Variants in SLC12A3 observed in about 807,000 individuals in gnomAD.
SLC12A3 encodes the protein solute carrier family 12 member 3, also known as Na-Cl cotransporter.
A neutral mutation model predicts 121.0 loss-of-function variants in SLC12A3; 104 were observed. That is an observed-to-expected ratio of 0.86 (90% CI 0.73 to 1.01). The LOEUF (loss-of-function observed/expected upper bound fraction) is 1.01, where lower values mean the gene tolerates loss of function less well. Ranked by LOEUF, SLC12A3 falls within the 50% of genes least tolerant of loss-of-function variation. The pLI, the probability that SLC12A3 is intolerant of heterozygous loss-of-function variation, is 0.00. For missense variants in SLC12A3, 1,328 were observed against 1,356.3 expected, an observed-to-expected ratio of 0.98 and a Z score of 0.33; for synonymous variants, 536 against 533.4, an observed-to-expected ratio of 1.00 and a Z score of -0.07.
rs370563622 is a variant in SLC12A3, at chr16:56,890,374, C to A, written c.2368+18C>A. On this transcript the variant is annotated intron_variant, in intron 19 of 25. Transcript: ENST00000563236. Reference sequence around the variant, plus strand: ...GGCGCACAGTGAGTACATGCCCCACCCACTCCCAGAAAGTTCTAGAACACA... The same window carrying A: ...GGCGCACAGTGAGTACATGCCCCACACACTCCCAGAAAGTTCTAGAACACA... The A allele has an allele frequency of 3.0e-5, 49 of 1,607,236 alleles. No individual in the cohort carries two copies. In the African/African-American group the frequency reaches 5.1e-4, roughly 17 times the overall value.
chr16:56,895,406 C>G (rs1451929407), intron 22 of SLC12A3, among the ~76,000 whole-genome samples: 5 of 150,752 alleles, frequency 3.3e-5, no homozygotes. Flanking sequence ...GTTGGCTAGG[C>G]TGGTCTCGAA....
chr16:56,906,888 G>A, intron 25 of SLC12A3: 1 of 562,096 alleles, frequency 1.8e-6, no homozygotes, highest in Non-Finnish European at 3.3e-6. Flanking sequence ...GGAAGTTAAG[G>A]GGACTGTAAA....
chr16:56,902,531 G>GGGGGCTGCC, intron 24 of SLC12A3, 23 bp downstream of exon 24: 1 of 714,570 alleles, frequency 1.4e-6, no homozygotes, highest in Non-Finnish European at 2.4e-6. Context: ...GTGGGGGTGG[G>GGGGGCTGCC]AAACGCGACA....
chr16:56,883,756 C>T (rs568478037), intron 13 of SLC12A3, among the ~76,000 whole-genome samples: 16 of 152,208 alleles, frequency 1.1e-4, no homozygotes, highest in African/African-American at 3.9e-4. Context: ...CCATCTCACC[C>T]CCTTGGCACC....
Position 56,902,527 on chromosome 16 carries a change from G to C in SLC12A3, c.2856+19G>C. The C allele has an allele frequency of 6.8e-7, 1 of 1,469,334 alleles. No homozygotes were observed. The allele number at this position is 1,469,334 out of a possible 1,614,324, so 91.0% of individuals were successfully genotyped here. On this transcript the variant is annotated intron_variant, in intron 24 of 25. Transcript: ENST00000563236. ...AGTCAAGGTGCAGAGAGGGGTGGGG[G>C]TGGGAAACGCGACACATCACTGGGT...
chr16:56,896,334 C>T (rs2055461488), intron 22 of SLC12A3, among the ~76,000 whole-genome samples: 3 of 152,214 alleles, frequency 2.0e-5, no homozygotes, highest in Non-Finnish European at 4.4e-5. Flanking sequence ...GAGGAGTAGG[C>T]TGGATGCATG....
intron 8 of SLC12A3, among the ~76,000 whole-genome samples, chr16:56,875,137 G>T (rs537575821): frequency 1.2e-3 from 187 of 152,030 alleles, no homozygotes; most frequent in South Asian, 0.01. Context: ...GATGAGGCCC[G>T]CGCGCCTGCA....
At chr16:56,876,773 G>C (rs186188667) in intron 8 of SLC12A3, among the ~76,000 whole-genome samples, 320 of 152,268 alleles carry the variant, frequency 2.1e-3, no homozygotes, top group African/African-American at 7.2e-3. Context: ...AGGGAAGGCT[G>C]GGGGGGTTTA....
At chr16:56,909,805 A>G (rs1281047773) in intron 25 of SLC12A3, among the ~76,000 whole-genome samples, 19 of 152,232 alleles carry the variant, frequency 1.2e-4, no homozygotes, top group African/African-American at 4.1e-4. Flanking sequence ...GAAAAAAAAA[A>G]AATCTCCCAA....
At chr16:56,883,283 T>TC (rs1171230534) in intron 13 of SLC12A3, among the ~76,000 whole-genome samples, 2 of 146,882 alleles carry the variant, frequency 1.4e-5, no homozygotes, top group African/African-American at 5.0e-5. Flanking sequence ...TTCTTTCTTT[T>TC]TTTTTTTTTT....
chr16:56,900,799 G>A (rs960903945), intron 23 of SLC12A3, among the ~76,000 whole-genome samples: 1 of 152,184 alleles, frequency 6.6e-6, no homozygotes, highest in Non-Finnish European at 1.5e-5. Flanking sequence ...CCAAAGTGCT[G>A]AGATTACAGG....
Position 56,902,493 on chromosome 16 carries a change from G to A in SLC12A3, c.2841G>A (p.Thr947=), listed in dbSNP as rs754755570. ...CPWKISDEEI[T]KNRVKSLRQV... is the part of the protein sequence containing the mutation. The stretch of plus-strand genomic sequence containing the variant: ...GGAAGATCTCAGATGAGGAGATTAC[G>A]AAGAACAGAGTCAAGGTGCAGAGAG... Residue 947 remains threonine (T), a synonymous_variant, in exon 24 of 26, where the codon ACG becomes ACA. Coordinates refer to ENST00000563236, the MANE Select transcript of SLC12A3 (RefSeq NM_001126108.2). 36 of 1,199,304 alleles carry A rather than the reference G, an allele frequency of 3.0e-5. No homozygotes were observed. The Middle Eastern group carries it at 6.4e-4, about 21-fold the overall frequency. The allele number at this position is 1,199,304 out of a possible 1,614,324, so 74.3% of individuals were successfully genotyped here.
intron 15 of SLC12A3, among the ~76,000 whole-genome samples, chr16:56,885,867 C>T (rs2055304202): frequency 6.6e-6 from 1 of 152,304 alleles, no homozygotes; most frequent in Non-Finnish European, 1.5e-5. Context: ...AATTACTAAC[C>T]CAGTCCCAAG....
intron 22 of SLC12A3, among the ~76,000 whole-genome samples, chr16:56,898,019 T>C (rs7195254): frequency 0.037 from 5,567 of 152,154 alleles, 154 homozygotes; most frequent in African/African-American, 0.075. Flanking sequence ...CCCAGCACAC[T>C]CCATGCATCC....
chr16:56,901,592 G>A (rs139868218), intron 23 of SLC12A3, among the ~76,000 whole-genome samples: 2,510 of 152,194 alleles, frequency 0.016, 68 homozygotes, highest in African/African-American at 0.057. Context: ...CGCCCGCCTC[G>A]GCCTCCCAAA....
At chr16:56,910,520 A>G (rs1367664691) in intron 25 of SLC12A3, among the ~76,000 whole-genome samples, 1 of 151,722 alleles carries the variant, frequency 6.6e-6, no homozygotes, top group African/African-American at 2.4e-5. Flanking sequence ...GTATTTTTTT[A>G]TGGAGACAGG....
At chr16:56,899,673 C>T (rs2055512378) in intron 23 of SLC12A3, 57 bp downstream of exon 23, 1 of 1,238,328 alleles carries the variant, frequency 8.1e-7, no homozygotes, top group Non-Finnish European at 1.2e-6. Flanking sequence ...CTGGAGACCC[C>T]TCTGCCGGCT....
In SLC12A3 at chr16:56,879,206, C is replaced by T. The variant is rs776210036; in HGVS notation, c.1314C>T (p.Tyr438=). 4.7e-5 allele frequency: 76 copies of T among 1,613,826 alleles called. No homozygotes were observed. The highest frequency in any genetic ancestry group is 8.8e-5 in the South Asian group (8 of 91,088). Residue 438 remains tyrosine (Y), a synonymous_variant, in exon 10 of 26, where the codon TAC becomes TAT. Transcript: ENST00000563236. The part of the protein sequence containing the change: ...TECTQQHSCH[Y]GLINYYQTMS... ...GCACCCAGCAGCACAGCTGCCACTA[C>T]GGCCTCATCAACTATTACCAGGTAC...
rs1364572210 is a variant in SLC12A3 at position 56,890,323 on chromosome 16, G to A, written c.2335G>A (p.Gly779Arg). The A allele has an allele frequency of 6.2e-7, 1 of 1,614,102 alleles. No homozygotes were observed. Among genetic ancestry groups the A allele is most frequent in the Non-Finnish European group, 8.5e-7 (1 of 1,180,016 alleles). The change falls in exon 19 of 26, where the codon GGA becomes AGA. Residue 779 changes from glycine (G) to arginine (R), a missense_variant. Physicochemically the swap from Gly to Arg is moderately radical, Grantham distance 125. Coordinates refer to ENST00000563236, the MANE Select transcript of SLC12A3 (RefSeq NM_001126108.2). ...CGTGTGTGTCATGAGGATGCGGGAG[G>A]GACTCAACGTGTCCAAGATGATGCA... ...YGVCVMRMRE[G>R]LNVSKMMQAH...
Sources: allele counts gnomAD v4.1 joint callset (sites outside exome capture counted in the v4.1 genomes callset), GRCh38; gene constraint gnomAD v4.1.1; transcripts MANE v1.5; gene names NCBI Gene and HGNC (gene_info 2026-07-23, HGNC 2026-07-21).